The following CLVS1 variants were observed in gnomAD, a reference collection of about 807,000 sequenced individuals.
CLVS1 encodes the protein clavesin 1, also known as clavesin-1.
Under a neutral mutation model 33.1 loss-of-function variants are expected in CLVS1, and 10 were observed. That is an observed-to-expected ratio of 0.30 (90% CI 0.19 to 0.51). CLVS1 has a LOEUF of 0.51. Among genes scored for constraint, CLVS1 ranks in the 20% least tolerant of loss-of-function variants. The probability of loss-of-function intolerance (pLI) is 0.97; values close to 1 mark genes in which losing one functional copy is unlikely to be tolerated. For synonymous variants in CLVS1, 163 were observed against 166.1 expected (o/e 0.98, Z 0.14); for missense variants, 343 against 433.4 (o/e 0.79, Z 1.85).
At chr8:61,495,223 C>T (rs560409360) in intron 5 of CLVS1, among the ~76,000 whole-genome samples, 3 of 152,148 alleles carry the variant, frequency 2.0e-5, no homozygotes, top group Non-Finnish European at 2.9e-5. Flanking sequence ...CTAACACCTT[C>T]CCTCCCCAAA....
At chr8:61,413,936 G>A (rs1224295142) in intron 3 of CLVS1, among the ~76,000 whole-genome samples, 1 of 152,220 alleles carries the variant, frequency 6.6e-6, no homozygotes, top group Non-Finnish European at 1.5e-5. Context: ...GATGATTCCA[G>A]AAATGTGATT....
chr8:61,146,475 G>A (rs1263425328), intron 2 of CLVS1, among the ~76,000 whole-genome samples: 1 of 152,186 alleles, frequency 6.6e-6, no homozygotes, highest in Non-Finnish European at 1.5e-5. Context: ...CATGAAATCT[G>A]TGCCCAGGCC....
At chr8:61,025,658 T>G in the CLVS1 span, among the ~76,000 whole-genome samples, 90 of 152,330 alleles carry the variant, frequency 5.9e-4, no homozygotes, top group Middle Eastern at 0.01. Flanking sequence ...TGTTTTTGCA[T>G]TTTTATCATC....
chr8:61,009,408 C>G, the CLVS1 span, among the ~76,000 whole-genome samples: 1 of 152,130 alleles, frequency 6.6e-6, no homozygotes, highest in Admixed American at 6.5e-5. Flanking sequence ...TCGGCCTCGC[C>G]AAGTGCTGGG....
chr8:61,217,585 T>C (rs570494346), intron 2 of CLVS1, among the ~76,000 whole-genome samples: 3 of 152,238 alleles, frequency 2.0e-5, no homozygotes, highest in East Asian at 3.9e-4. Flanking sequence ...TCATAAAAAC[T>C]GGCCTAGGAA....
the CLVS1 span, among the ~76,000 whole-genome samples, chr8:61,040,461 T>C: frequency 1.3e-5 from 2 of 152,348 alleles, no homozygotes; most frequent in East Asian, 1.9e-4. Context: ...AACAGTGTTA[T>C]AAGCATTTTC....
chr8:61,150,633 G>A (rs1449002012), intron 2 of CLVS1, among the ~76,000 whole-genome samples: 1 of 152,146 alleles, frequency 6.6e-6, no homozygotes, highest in Non-Finnish European at 1.5e-5. Context: ...CTGCTTCAGG[G>A]GTGAGACAGC....
At chr8:61,216,091 T>C (rs1808079968) in intron 2 of CLVS1, among the ~76,000 whole-genome samples, 1 of 152,198 alleles carries the variant, frequency 6.6e-6, no homozygotes, top group Non-Finnish European at 1.5e-5. Flanking sequence ...CTAGACTGCC[T>C]TGGGGATTGA....
At chr8:61,358,224 C>A (rs1812823108) in intron 2 of CLVS1, among the ~76,000 whole-genome samples, 1 of 152,202 alleles carries the variant, frequency 6.6e-6, no homozygotes, top group East Asian at 1.9e-4. Flanking sequence ...GTACTGACTT[C>A]TTTAAATGTT....
the CLVS1 span, among the ~76,000 whole-genome samples, chr8:61,011,840 G>T: frequency 6.6e-6 from 1 of 152,216 alleles, no homozygotes; most frequent in Non-Finnish European, 1.5e-5. Flanking sequence ...GTAGAAGACT[G>T]TAACAAAGTA....
chr8:61,068,077 C>T (rs1291571173), intron 1 of CLVS1, among the ~76,000 whole-genome samples: 16 of 151,298 alleles, frequency 1.1e-4, no homozygotes, highest in South Asian at 2.1e-4. Context: ...GAGGCTGATG[C>T]GGGAAGATTA....
At position 61,057,457 on chromosome 8, in the gene CLVS1, T is replaced by G. The variant is rs149879966; in HGVS notation, c.-243+227T>G. 2.1e-4 allele frequency among the ~76,000 whole-genome samples: 32 copies of G among 151,868 alleles called. No individual in the cohort carries two copies. The East Asian group carries it at 6.0e-3, about 29-fold the overall frequency. ...GGCCTCTAAATGAAGGGTGGGTTTG[T>G]ACTCTCTGTTTCTTAGGCCATGCCT... On this transcript the variant is annotated intron_variant, in intron 1 of 2. Transcript: ENST00000522621.
upstream of CLVS1, among the ~76,000 whole-genome samples, chr8:61,053,418 C>T (rs920406898): frequency 5.9e-5 from 9 of 152,170 alleles, no homozygotes; most frequent in Non-Finnish European, 1.2e-4. Context: ...CTGTGTGCTG[C>T]AAGGTAGATG....
the CLVS1 span, among the ~76,000 whole-genome samples, chr8:60,997,441 T>G: frequency 6.6e-6 from 1 of 152,236 alleles, no homozygotes; most frequent in Non-Finnish European, 1.5e-5. Context: ...CAGCCAACTA[T>G]ATACATATTT....
chr8:61,265,598 C>T (rs941420199), intron 2 of CLVS1, among the ~76,000 whole-genome samples: 1 of 152,184 alleles, frequency 6.6e-6, no homozygotes, highest in Non-Finnish European at 1.5e-5. Context: ...ATGTTGTCAG[C>T]TCTGCTTCCA....
At chr8:61,304,783 GT>G (rs1251362313) in intron 2 of CLVS1, among the ~76,000 whole-genome samples, 1 of 151,816 alleles carries the variant, frequency 6.6e-6, no homozygotes, top group South Asian at 2.1e-4. Context: ...GGACACATCG[GT>G]TTTTTTTCTG....
At chr8:61,016,718 A>G in the CLVS1 span, among the ~76,000 whole-genome samples, 1 of 152,228 alleles carries the variant, frequency 6.6e-6, no homozygotes, top group Non-Finnish European at 1.5e-5. Context: ...TTGTGCATGC[A>G]AGTGGTGAGA....
At chr8:61,478,535 T>C (rs199831449) in intron 5 of CLVS1, among the ~76,000 whole-genome samples, 3 of 152,170 alleles carry the variant, frequency 2.0e-5, no homozygotes, top group Non-Finnish European at 4.4e-5. Context: ...GGATAGTTAG[T>C]TCTTCTTGTT....
chr8:61,492,628 G>C (rs1804134091), intron 5 of CLVS1, among the ~76,000 whole-genome samples: 1 of 152,212 alleles, frequency 6.6e-6, no homozygotes, highest in African/African-American at 2.4e-5. Context: ...ATAGGCAAGA[G>C]CTGGGAATTG....
Sources: gnomAD v4.1 joint callset for allele counts (sites outside exome capture counted in the v4.1 genomes callset) on GRCh38, gnomAD v4.1.1 for gene constraint, MANE v1.5 for transcripts, NCBI Gene and HGNC (gene_info 2026-07-23, HGNC 2026-07-21) for gene names.